The following TBC1D10C variants were observed in gnomAD, a reference collection of about 807,000 sequenced individuals.
TBC1D10C encodes the protein TBC1 domain family member 10C, also known as carabin.
Under a neutral mutation model 51.0 loss-of-function variants are expected in TBC1D10C, and 49 were observed. That is an observed-to-expected ratio of 0.96 (90% confidence interval 0.76 to 1.22). The LOEUF is 1.22. TBC1D10C is among the 50% of genes most tolerant of loss of function. TBC1D10C has a pLI of 0.00. For missense variants in TBC1D10C, 541 were observed against 617.5 expected, an observed-to-expected ratio of 0.88 and a Z score of 1.31; for synonymous variants, 281 against 266.7, an observed-to-expected ratio of 1.05 and a Z score of -0.52.
chr11:67,405,880 C>T, intron 4 of TBC1D10C, 23 bp from the exon 5 acceptor site: 5 of 1,572,910 alleles, frequency 3.2e-6, no homozygotes, highest in Non-Finnish European at 3.4e-6. Flanking sequence ...AGGACTGGCC[C>T]CTTATGGGGT....
intron 6 of TBC1D10C, 22 bp from the exon 7 acceptor site, chr11:67,406,805 C>T (rs1403774774): frequency 5.6e-6 from 9 of 1,609,100 alleles, no homozygotes; most frequent in Non-Finnish European, 7.6e-6. Flanking sequence ...CGGTGCTGGC[C>T]TGCTGATGGA....
At chr11:67,405,360 A>G in intron 2 of TBC1D10C, 39 bp from the exon 3 acceptor site, 1 of 1,599,054 alleles carries the variant, frequency 6.3e-7, no homozygotes, top group Non-Finnish European at 8.5e-7. Context: ...AGCAGGAGCT[A>G]TGGAGGCTGC....
At chr11:67,404,548 C>A (rs779470723) in intron 1 of TBC1D10C, among the ~76,000 whole-genome samples, 194 bp downstream of exon 1, 26 of 152,190 alleles carry the variant, frequency 1.7e-4, no homozygotes, top group South Asian at 8.3e-4. Context: ...ACGTCTCTTA[C>A]CCCCAGCCTC....
chr11:67,406,152 T>G (rs1358842441), intron 5 of TBC1D10C, 135 bp downstream of exon 5: 4 of 720,796 alleles, frequency 5.5e-6, no homozygotes, highest in Non-Finnish European at 6.5e-6. Context: ...TCCTCATGAC[T>G]GCCAGCCTCA....
At position 67,405,079 on chromosome 11, in the gene TBC1D10C, C is replaced by T. The variant is rs985086818; in HGVS notation, c.153-6C>T. 13 of 1,549,656 alleles carry T rather than the reference C, an allele frequency of 8.4e-6. No homozygotes were observed. Among genetic ancestry groups the T allele is most frequent in the African/African-American group, 2.7e-5 (2 of 73,018 alleles). ...GCGTCTGGATACCTGTGCCATGCAC[C>T]CCCAGGCCGGGCCACCCACCTGCAG... On this transcript the variant is annotated splice_region_variant and splice_polypyrimidine_tract_variant and intron_variant, in intron 1 of 8. Transcript: ENST00000542590.
chr11:67,405,765 T>C, intron 4 of TBC1D10C, 64 bp downstream of exon 4: 1 of 1,593,890 alleles, frequency 6.3e-7, no homozygotes, highest in Non-Finnish European at 8.6e-7. Context: ...CAGCCCACTT[T>C]CCCTAGCCCA....
At chr11:67,409,277 G>T (rs1281135286) in intron 8 of TBC1D10C, 130 bp from the exon 9 acceptor site, 3 of 1,375,184 alleles carry the variant, frequency 2.2e-6, no homozygotes, top group Non-Finnish European at 1.9e-6. Flanking sequence ...GAGGCCTCCA[G>T]TGGCTTTCTG....
At position 67,405,951 on chromosome 11, in the gene TBC1D10C, G is replaced by C; in HGVS notation, c.516G>C (p.Pro172=). ...QVLKAYTLYR[P]EQGYCQAQGP... is the part of the protein sequence containing the mutation. ...TCAAGGCCTACACCCTGTATCGACC[G>C]GAGCAGGGCTACTGCCAGGCCCAGG... Residue 172 remains proline (P), a synonymous_variant, in exon 5 of 9, where the codon CCG becomes CCC. Transcript: ENST00000542590. 6.2e-7 allele frequency: 1 copy of C among 1,605,750 alleles called. No individual in the cohort carries two copies. Among genetic ancestry groups the C allele is most frequent in the Non-Finnish European group, 8.5e-7 (1 of 1,177,042 alleles).
intron 6 of TBC1D10C, 59 bp downstream of exon 6, chr11:67,406,751 G>T: frequency 6.2e-7 from 1 of 1,600,092 alleles, no homozygotes. Flanking sequence ...GAGTGGGTGG[G>T]GGTCTGGGGA....
rs538623782 is a variant in TBC1D10C at position 67,405,517 on chromosome 11, G to T, written c.360+11G>T. 1 of 1,613,646 alleles carries T rather than the reference G, an allele frequency of 6.2e-7. No homozygotes were observed. Among genetic ancestry groups the T allele is most frequent in the East Asian group, 2.2e-5 (1 of 44,886 alleles). ...CCTGGCACCTATCAGGTGAGGGAGT[G>T]GGCAGGGGCCCCAATTCCCCTACCC... On this transcript the variant is annotated intron_variant, in intron 3 of 8. Coordinates refer to ENST00000542590, the MANE Select transcript of TBC1D10C (RefSeq NM_001369496.1).
At position 67,409,393 on chromosome 11, in the gene TBC1D10C, A is replaced by G. The variant is rs1863345602; in HGVS notation, c.994-14A>G. 6.5e-6 allele frequency: 10 copies of G among 1,544,628 alleles called. No individual in the cohort carries two copies. The highest frequency in any genetic ancestry group is 2.0e-5 in the Admixed American group (1 of 50,762). ...TTGAGGCCGGGCAAACGCAGCACCAACTGCTCCCCACAGGTGCACAGCGTG... is the reference window on the plus strand; with the variant it reads ...TTGAGGCCGGGCAAACGCAGCACCAGCTGCTCCCCACAGGTGCACAGCGTG... On this transcript the variant is annotated splice_polypyrimidine_tract_variant and intron_variant, in intron 8 of 8. Coordinates refer to ENST00000542590, the MANE Select transcript of TBC1D10C (RefSeq NM_001369496.1).
At position 67,405,982 on chromosome 11, in the gene TBC1D10C, G is replaced by A. The variant is rs778177831; in HGVS notation, c.547G>A (p.Val183Met). ...EQGYCQAQGP[V>M]AAVLLMHLPP... ...GGGCTACTGCCAGGCCCAGGGGCCC[G>A]TGGCTGCTGTGCTGCTCATGCACCT... The change falls in exon 5 of 9, where the codon GTG becomes ATG. Residue 183 changes from valine to methionine, a missense_variant. Val to Met is a conservative substitution (Grantham distance 21, BLOSUM62 1). Transcript: ENST00000542590. 16 of 1,603,990 alleles carry A rather than the reference G, an allele frequency of 1.0e-5. No individual in the cohort carries two copies. The highest frequency in any genetic ancestry group is 8.9e-5 in the South Asian group (8 of 89,894).
Position 67,406,877 on chromosome 11 carries a change from G to C in TBC1D10C, c.699G>C (p.Leu233=), listed in dbSNP as rs1863190188. Residue 233 remains leucine, a synonymous_variant, in exon 7 of 9, where the codon CTG becomes CTC. Transcript: ENST00000542590. ...TGTTCATGGCCCTGCTGCGGCGGCTGCTTCCGCACGTGCACAAGCACCTGC... is the reference window on the plus strand; with the variant it reads ...TGTTCATGGCCCTGCTGCGGCGGCTCCTTCCGCACGTGCACAAGCACCTGC... ...AEVFMALLRR[L]LPHVHKHLQQ... is the part of the protein sequence containing the mutation. The C allele has an allele frequency of 4.3e-6, 7 of 1,610,380 alleles. No homozygotes were observed. In the East Asian group the frequency reaches 8.9e-5, roughly 21 times the overall value.
chr11:67,406,753 G>C, intron 6 of TBC1D10C, 61 bp downstream of exon 6: 1 of 1,601,346 alleles, frequency 6.2e-7, no homozygotes, highest in East Asian at 2.3e-5. Flanking sequence ...GTGGGTGGGG[G>C]TCTGGGGACT....
Position 67,404,275 on chromosome 11 carries a change from G to A in TBC1D10C, c.73G>A (p.Asp25Asn), listed in dbSNP as rs148408200. ...GGATGACTCCAGCTCCTTGGGGTCC[G>A]ACTCAGAGCTCAGCGGGCCTGGCCC... ...LQDDSSSLGSDSELSGPGPYR... is the reference protein window; with the variant it reads ...LQDDSSSLGSNSELSGPGPYR... Residue 25 changes from aspartate to asparagine, a missense_variant, in exon 1 of 9, where the codon GAC becomes AAC. Physicochemically the swap from Asp to Asn is conservative, Grantham distance 23. Transcript: ENST00000542590. 8.1e-6 allele frequency: 13 copies of A among 1,604,354 alleles called. No individual in the cohort carries two copies. The highest frequency in any genetic ancestry group is 2.7e-5 in the African/African-American group (2 of 74,370).
rs139188592 is a variant in TBC1D10C at position 67,406,916 on chromosome 11, C to T, written c.738C>T (p.Val246=). Residue 246 remains valine (V), a synonymous_variant, in exon 7 of 9, where the codon GTC becomes GTT. Transcript: ENST00000542590. ...HVHKHLQQVG[V]GPLLYLPEWF... is the part of the protein sequence containing the mutation. ...ACAAGCACCTGCAGCAGGTGGGCGT[C>T]GGACCCCTGCTGTACCTGCCCGAGT... 29 of 1,612,324 alleles carry T rather than the reference C, an allele frequency of 1.8e-5. No individual in the cohort carries two copies. The highest frequency in any genetic ancestry group is 2.2e-5 in the South Asian group (2 of 91,082).
chr11:67,405,155 G>A lies in TBC1D10C; in HGVS notation c.223G>A (p.Glu75Lys). Residue 75 changes from glutamate (E) to lysine (K), a missense_variant, in exon 2 of 9, where the codon GAG becomes AAG. Coordinates refer to ENST00000542590, the MANE Select transcript of TBC1D10C (RefSeq NM_001369496.1). The part of the protein sequence containing the change: ...MKWVEMTSHW[E>K]KTMSRRYKKV... Reference sequence around the variant, plus strand: ...GTGGGTGGAGATGACCTCGCACTGGGAGAAAACCATGTCCCGGCGGTACAA... The same window carrying A: ...GTGGGTGGAGATGACCTCGCACTGGAAGAAAACCATGTCCCGGCGGTACAA... 1 of 1,551,532 alleles carries A rather than the reference G, an allele frequency of 6.4e-7. No individual in the cohort carries two copies. The highest frequency in any genetic ancestry group is 8.7e-7 in the Non-Finnish European group (1 of 1,146,962).
At chr11:67,409,262 A>G in intron 8 of TBC1D10C, 129 bp downstream of exon 8, 1 of 1,400,626 alleles carries the variant, frequency 7.1e-7, no homozygotes, top group Non-Finnish European at 9.5e-7. Context: ...AGAACACAAA[A>G]ACCTGAGGCC....
At chr11:67,404,048 T>C, upstream of TBC1D10C, 4 of 935,060 alleles carry the variant, frequency 4.3e-6, no homozygotes, top group Non-Finnish European at 1.5e-6. Context: ...GCCTAGCCCC[T>C]GCCCCCATAA....
Sources: allele counts gnomAD v4.1 joint callset (sites outside exome capture counted in the v4.1 genomes callset), GRCh38; gene constraint gnomAD v4.1.1; transcripts MANE v1.5; gene names NCBI Gene and HGNC (gene_info 2026-07-23, HGNC 2026-07-21).